CRHBP: variants seen among roughly 807,000 people sequenced by gnomAD.
CRHBP encodes corticotropin releasing hormone binding protein, also known as corticotropin-releasing hormone-binding protein.
In CRHBP, 19 loss-of-function variants were observed where a neutral mutation model predicts 34.9. That is an observed-to-expected ratio of 0.55 (90% confidence interval 0.38 to 0.80). The LOEUF (loss-of-function observed/expected upper bound fraction) is 0.80, where lower values mean the gene tolerates loss of function less well. CRHBP is among the 30% of genes least tolerant of loss of function. The probability of loss-of-function intolerance (pLI) is 0.00; values close to 1 mark genes in which losing one functional copy is unlikely to be tolerated. For synonymous variants in CRHBP, 154 were observed against 153.4 expected (o/e 1.00, Z -0.03); for missense variants, 328 against 409.2 (o/e 0.80, Z 1.71).
chr5:76,965,012 G>C (rs897192693), intron 6 of CRHBP, among the ~76,000 whole-genome samples: 1 of 150,262 alleles, frequency 6.7e-6, no homozygotes, highest in Non-Finnish European at 1.5e-5. Flanking sequence ...AAAAGAATCA[G>C]GTAAAAAAAA....
intron 3 of CRHBP, among the ~76,000 whole-genome samples, chr5:76,954,661 G>T (rs1745640565): frequency 6.6e-6 from 1 of 152,202 alleles, no homozygotes; most frequent in East Asian, 1.9e-4. Flanking sequence ...CGGCAGAGCC[G>T]TTCCGAGAGC....
chr5:76,953,913 T>C (rs1196799560), intron 2 of CRHBP, 116 bp from the exon 3 acceptor site: 2 of 1,328,322 alleles, frequency 1.5e-6, no homozygotes, highest in Non-Finnish European at 2.0e-6. Flanking sequence ...AGGCTGGAAG[T>C]CGGGGCGCTG....
rs775449602 is a variant in CRHBP, at chr5:76,954,132, T to C, written c.279T>C (p.Ile93=). Residue 93 remains isoleucine, a synonymous_variant, in exon 3 of 7, where the codon ATT becomes ATC. Coordinates refer to ENST00000274368, the MANE Select transcript of CRHBP (RefSeq NM_001882.4). ...AFFISEPEEF[I]TIHYDQVSID... ...TCATCAGCGAGCCCGAGGAGTTCAT[T>C]ACCATCCACTACGACCAGGTCTCCA... 6.2e-7 allele frequency: 1 copy of C among 1,614,002 alleles called. No individual in the cohort carries two copies. The highest frequency in any genetic ancestry group is 2.2e-5 in the East Asian group (1 of 44,852).
At position 76,955,684 on chromosome 5, in the gene CRHBP, A is replaced by G. The variant is rs1745657472; in HGVS notation, c.365A>G (p.Lys122Arg). ...VFDGWILKGE[K>R]FPSSQDHPLP... ...GATGGTTGGATTCTCAAGGGGGAGA[A>G]GTTCCCCAGTTCCCAGGATCATCCT... Residue 122 changes from lysine (K) to arginine (R), a missense_variant, in exon 4 of 7, where the codon AAG becomes AGG. Around this residue, in one of 3 missense-constraint regions of CRHBP, gnomAD observed 173 missense variants for 172.2 expected, o/e 1.00. Transcript: ENST00000274368. The G allele has an allele frequency of 6.2e-7, 1 of 1,614,136 alleles. No homozygotes were observed. The highest frequency in any genetic ancestry group is 8.5e-7 in the Non-Finnish European group (1 of 1,180,008).
chr5:76,954,095 G>A lies in CRHBP; in HGVS notation c.242G>A (p.Cys81Tyr). ...TFTADRPQLH[C>Y]AAFFISEPEE... ...ACCGCCGACCGGCCGCAGCTGCACT[G>A]CGCAGCCTTCTTCATCAGCGAGCCC... is the stretch of plus-strand genomic sequence containing the variant. Residue 81 changes from cysteine (C) to tyrosine (Y), a missense_variant, in exon 3 of 7, where the codon TGC becomes TAC. Coordinates refer to ENST00000274368, the MANE Select transcript of CRHBP (RefSeq NM_001882.4). 1 of 1,614,034 alleles carries A rather than the reference G, an allele frequency of 6.2e-7. No individual in the cohort carries two copies. Among genetic ancestry groups the A allele is most frequent in the Non-Finnish European group, 8.5e-7 (1 of 1,179,958 alleles).
Position 76,958,796 on chromosome 5 carries a change from C to G in CRHBP, c.600C>G (p.His200Gln), listed in dbSNP as rs1306625816. ...PNGKFTLVVP[H>Q]QHRNCSFSII... ...GAAAGTTTACCCTGGTAGTTCCACA[C>G]CAGCATCGAAACTGCAGCTTCTCCA... The change falls in exon 5 of 7, where the codon CAC becomes CAG. Residue 200 changes from histidine to glutamine, a missense_variant. His to Gln is a conservative substitution (Grantham distance 24). Coordinates refer to ENST00000274368, the MANE Select transcript of CRHBP (RefSeq NM_001882.4). 6.2e-7 allele frequency: 1 copy of G among 1,613,842 alleles called. No individual in the cohort carries two copies. Among genetic ancestry groups the G allele is most frequent in the Non-Finnish European group, 8.5e-7 (1 of 1,179,914 alleles).
chr5:76,956,474 G>A (rs938127159), intron 4 of CRHBP, among the ~76,000 whole-genome samples: 4 of 152,214 alleles, frequency 2.6e-5, no homozygotes, highest in African/African-American at 7.2e-5. Flanking sequence ...GGTGGCTCAC[G>A]CCTGTAATCC....
chr5:76,975,830 A>C (rs147129583), intron 2 of CRHBP, among the ~76,000 whole-genome samples: 3,153 of 98,192 alleles, frequency 0.032, 105 homozygotes, highest in African/African-American at 0.044. Context: ...AAAAAAATAT[A>C]TATATATATA....
intron 5 of CRHBP, among the ~76,000 whole-genome samples, chr5:76,959,778 AT>A (rs1745747363): frequency 6.6e-6 from 1 of 152,150 alleles, no homozygotes; most frequent in Non-Finnish European, 1.5e-5. Flanking sequence ...TGATAAGGAC[AT>A]TTTTGGGTAT....
downstream of CRHBP, among the ~76,000 whole-genome samples, chr5:76,970,775 C>A (rs1031691370): frequency 3.9e-5 from 6 of 152,180 alleles, no homozygotes; most frequent in Non-Finnish European, 5.9e-5. Flanking sequence ...TATTACATCT[C>A]ACCATCAAAG....
chr5:76,970,092 T>C (rs559032883), downstream of CRHBP, among the ~76,000 whole-genome samples: 1 of 151,962 alleles, frequency 6.6e-6, no homozygotes. Context: ...TGGTTACATG[T>C]GCGCCACCAT....
downstream of CRHBP, among the ~76,000 whole-genome samples, chr5:76,972,859 G>C (rs1277129717): frequency 6.6e-6 from 1 of 152,172 alleles, no homozygotes; most frequent in Non-Finnish European, 1.5e-5. Flanking sequence ...CTCTCTTACA[G>C]TTAGGCTTGG....
downstream of CRHBP, among the ~76,000 whole-genome samples, chr5:76,973,205 T>C (rs905436326): frequency 5.3e-5 from 8 of 152,240 alleles, no homozygotes; most frequent in African/African-American, 1.7e-4. Context: ...AATCCAATTC[T>C]TAGCTATTCT....
chr5:76,978,166 G>T (rs563518619), intron 3 of CRHBP, among the ~76,000 whole-genome samples: 1 of 152,136 alleles, frequency 6.6e-6, no homozygotes, highest in Non-Finnish European at 1.5e-5. Context: ...GCAAGATGAA[G>T]CAGCAAGTGC....
intron 2 of CRHBP, among the ~76,000 whole-genome samples, chr5:76,975,463 G>A (rs1008376208): frequency 2.0e-5 from 3 of 151,894 alleles, no homozygotes; most frequent in African/African-American, 7.3e-5. Context: ...ACAAGAATTG[G>A]CAGGAAAGTC....
chr5:76,958,927 C>A (rs1745732339), intron 5 of CRHBP, 38 bp downstream of exon 5: 4 of 1,605,566 alleles, frequency 2.5e-6, no homozygotes, highest in Non-Finnish European at 3.4e-6. Flanking sequence ...TTTGATAAGG[C>A]CACAACTTTA....
chr5:76,957,510 C>T (rs1314962452), intron 4 of CRHBP, among the ~76,000 whole-genome samples: 10 of 152,098 alleles, frequency 6.6e-5, no homozygotes, highest in East Asian at 1.9e-4. Flanking sequence ...CTCAGCCTCC[C>T]GAGTAGCTGG....
chr5:76,963,538 A>C, intron 6 of CRHBP, 78 bp downstream of exon 6: 1 of 1,295,494 alleles, frequency 7.7e-7, no homozygotes, highest in Non-Finnish European at 1.1e-6. Context: ...TATTTTCTAC[A>C]TTGGAAGGTG....
chr5:76,968,537 C>G (rs1316208425), intron 6 of CRHBP, among the ~76,000 whole-genome samples, 191 bp from the exon 7 acceptor site: 8 of 152,148 alleles, frequency 5.3e-5, no homozygotes, highest in African/African-American at 9.7e-5. Flanking sequence ...TTGCACTATT[C>G]TATAACTAAT....
Sources: allele counts gnomAD v4.1 joint callset (sites outside exome capture counted in the v4.1 genomes callset), GRCh38; gene constraint gnomAD v4.1.1; regional missense constraint gnomAD v4.1.1; transcripts MANE v1.5; gene names NCBI Gene and HGNC (gene_info 2026-07-23, HGNC 2026-07-21).